The following PTBP2 variants were observed in gnomAD, a reference collection of about 807,000 sequenced individuals.
The protein encoded by PTBP2 is polypyrimidine tract-binding protein 2.
PTBP2 carries 13 observed loss-of-function variants against 61.4 expected under a neutral mutation model. The ratio of observed to expected loss-of-function variants is 0.21; its 90% CI spans 0.14 to 0.34. The LOEUF is 0.34. Ranked by LOEUF, PTBP2 falls within the 10% of genes least tolerant of loss-of-function variation. The pLI is 1.00. For missense variants in PTBP2, 405 were observed against 642.6 expected, an observed-to-expected ratio of 0.63 and a Z score of 4.00; for synonymous variants, 215 against 218.5, an observed-to-expected ratio of 0.98 and a Z score of 0.14.
intron 2 of PTBP2, among the ~76,000 whole-genome samples, chr1:96,747,822 T>C (rs759317228): frequency 9.2e-5 from 14 of 152,150 alleles, no homozygotes; most frequent in Non-Finnish European, 1.6e-4. Context: ...GGTCTGTTGA[T>C]GTGTGATTGT....
At chr1:96,788,104 A>G (rs1378338389) in intron 8 of PTBP2, among the ~76,000 whole-genome samples, 2 of 152,104 alleles carry the variant, frequency 1.3e-5, no homozygotes, top group Non-Finnish European at 2.9e-5. Flanking sequence ...GCAAATGCCT[A>G]TTTTAATTTC....
At position 96,721,855 on chromosome 1, in the gene PTBP2, C is replaced by T. The variant is rs1439764558; in HGVS notation, c.-10C>T. ...CGGTTCTTGTGAGCGAAGCTTTGTC[C>T]GGTTCGGCAATGGACGGGTATGTAA... On this transcript the variant is annotated 5_prime_UTR_variant, in exon 1 of 14. Coordinates refer to ENST00000674951, the MANE Select transcript of PTBP2 (RefSeq NM_021190.4). 1.0e-5 allele frequency: 16 copies of T among 1,570,486 alleles called. No individual in the cohort carries two copies. The highest frequency in any genetic ancestry group is 4.7e-5 in the East Asian group (2 of 42,816).
chr1:96,775,025 A>G (rs1454264040), intron 5 of PTBP2, among the ~76,000 whole-genome samples: 4 of 152,066 alleles, frequency 2.6e-5, no homozygotes, highest in Non-Finnish European at 5.9e-5. Flanking sequence ...TCCACCTCAC[A>G]CTTCACATGG....
intron 8 of PTBP2, among the ~76,000 whole-genome samples, chr1:96,787,132 C>T (rs536563040): frequency 2.6e-4 from 40 of 152,172 alleles, no homozygotes; most frequent in Admixed American, 2.2e-3. Context: ...GCGATTCTCC[C>T]GCCTCAGCCT....
At chr1:96,753,244 C>T (rs1264899856) in intron 3 of PTBP2, among the ~76,000 whole-genome samples, 1 of 152,108 alleles carries the variant, frequency 6.6e-6, no homozygotes, top group East Asian at 1.9e-4. Flanking sequence ...TACTCTGAAA[C>T]ATTGGAGTTC....
downstream of PTBP2, chr1:96,817,289 CTG>C (rs1662523405): frequency 6.6e-6 from 1 of 152,012 alleles, no homozygotes; most frequent in Non-Finnish European, 1.5e-5. Context: ...GAGCCTAAAT[CTG>C]AAAACGTTTT....
At chr1:96,786,745 C>G (rs187078111) in intron 8 of PTBP2, among the ~76,000 whole-genome samples, 156 of 152,200 alleles carry the variant, frequency 1.0e-3, no homozygotes, top group African/African-American at 3.6e-3. Flanking sequence ...AATTCACATG[C>G]AACTCATCAA....
At chr1:96,802,210 C>CGG (rs139945691) in intron 8 of PTBP2, among the ~76,000 whole-genome samples, 5 of 46,352 alleles carry the variant, frequency 1.1e-4, no homozygotes, top group African/African-American at 2.8e-4. Flanking sequence ...GACTCCGTCT[C>CGG]GAAAAAAAAA....
rs1651845766 is a variant in PTBP2, at chr1:96,734,285, ATTG to A, written c.39+10694_39+10696del. Among the ~76,000 whole-genome samples the A allele has an allele frequency of 2.0e-5, 3 of 152,142 alleles. No individual in the cohort carries two copies. In the South Asian group the frequency reaches 6.2e-4, roughly 31 times the overall value. On this transcript the variant is annotated intron_variant, in intron 2 of 13. Coordinates refer to ENST00000674951, the MANE Select transcript of PTBP2 (RefSeq NM_021190.4). Reference sequence around the variant, plus strand: ...TTTGAGATAAATTTCAGATATTCATATTGTTTTATCTGTAAAGGCTTCAGTGTA... The same window carrying A: ...TTTGAGATAAATTTCAGATATTCATATTTTATCTGTAAAGGCTTCAGTGTA...
intron 1 of PTBP2, among the ~76,000 whole-genome samples, chr1:96,722,232 C>T (rs1261476144): frequency 6.6e-6 from 1 of 152,060 alleles, no homozygotes; most frequent in Admixed American, 6.5e-5. Context: ...CCTTGGGACC[C>T]GACCCTTGGG....
At chr1:96,812,965 T>G (rs1327052201) in intron 12 of PTBP2, 37 bp downstream of exon 12, 3 of 1,594,374 alleles carry the variant, frequency 1.9e-6, no homozygotes, top group Non-Finnish European at 2.6e-6. Flanking sequence ...AGATACATTC[T>G]ATTTTGATAA....
exon 14 of PTBP2, chr1:96,823,550 G>A (rs910992656): frequency 6.6e-6 from 1 of 152,124 alleles, no homozygotes; most frequent in South Asian, 2.1e-4. Context: ...AAAAGTGTCT[G>A]TTAACCATAA....
downstream of PTBP2, chr1:96,815,580 AC>A: frequency 6.6e-6 from 1 of 152,312 alleles, no homozygotes; most frequent in Middle Eastern, 3.4e-3. Context: ...CTTTGGAGTT[AC>A]ACATGTTTCT....
intron 8 of PTBP2, among the ~76,000 whole-genome samples, chr1:96,793,534 T>A (rs1348127970): frequency 2.0e-5 from 3 of 152,044 alleles, no homozygotes; most frequent in Non-Finnish European, 1.5e-5. Flanking sequence ...CACACCTGGC[T>A]AATTTTTTTT....
chr1:96,749,063 T>C (rs1654200660), intron 2 of PTBP2, among the ~76,000 whole-genome samples: 1 of 152,056 alleles, frequency 6.6e-6, no homozygotes, highest in African/African-American at 2.4e-5. Context: ...ACGGCAGGTA[T>C]GAAATCATTT....
chr1:96,759,163 G>A (rs1655501219), intron 3 of PTBP2, among the ~76,000 whole-genome samples: 1 of 152,164 alleles, frequency 6.6e-6, no homozygotes, highest in Non-Finnish European at 1.5e-5. Context: ...CGTAGACCAT[G>A]TTCATGAATT....
chr1:96,811,190 CAT>C (rs888524205), intron 11 of PTBP2, among the ~76,000 whole-genome samples: 3 of 151,874 alleles, frequency 2.0e-5, no homozygotes, highest in Non-Finnish European at 4.4e-5. Flanking sequence ...AATGGTACCT[CAT>C]ATTTTGACAG....
chr1:96,724,211 G>A (rs1382180588), intron 2 of PTBP2, among the ~76,000 whole-genome samples: 1 of 151,846 alleles, frequency 6.6e-6, no homozygotes, highest in Non-Finnish European at 1.5e-5. Flanking sequence ...ATTTTCTTGA[G>A]TACTTGCAAC....
intron 2 of PTBP2, among the ~76,000 whole-genome samples, chr1:96,740,643 A>C (rs1652872951): frequency 6.6e-6 from 1 of 152,036 alleles, no homozygotes; most frequent in African/African-American, 2.4e-5. Context: ...CATTCCCATA[A>C]ATTTCTCATT....
Sources: allele counts gnomAD v4.1 joint callset (sites outside exome capture counted in the v4.1 genomes callset), GRCh38; gene constraint gnomAD v4.1.1; transcripts MANE v1.5; gene names NCBI Gene and HGNC (gene_info 2026-07-23, HGNC 2026-07-21).